FAN1: variants seen among roughly 807,000 people sequenced by gnomAD.
FAN1 encodes the protein fanconi-associated nuclease 1.
In FAN1, 91 loss-of-function variants were observed where a neutral mutation model predicts 104.9. The observed-to-expected ratio is 0.87, with a 90% CI of 0.73 to 1.03. FAN1 has a LOEUF of 1.03. Among genes scored for constraint, FAN1 ranks in the 50% least tolerant of loss-of-function variants. The pLI, the probability that FAN1 is intolerant of heterozygous loss-of-function variation, is 0.00. For missense variants in FAN1, 1,263 were observed against 1,239.9 expected (o/e 1.02, Z -0.28); for synonymous variants, 478 against 457.6 (o/e 1.04, Z -0.57).
rs774296372 is a variant in FAN1 at position 30,905,315 on chromosome 15, T to C, written c.652T>C (p.Cys218Arg). ...NSSQKENVFK[C>R]DSLKEECIPE... Reference sequence around the variant, plus strand: ...TTCTCAAAAAGAAAACGTGTTTAAATGTGATTCTCTAAAGGAAGAGTGCAT... The same window carrying C: ...TTCTCAAAAAGAAAACGTGTTTAAACGTGATTCTCTAAAGGAAGAGTGCAT... The change falls in exon 2 of 15, where the codon TGT becomes CGT. Residue 218 changes from cysteine to arginine, a missense_variant. Around this residue, in one of 2 missense-constraint regions of FAN1, gnomAD observed 682 missense variants for 571.1 expected, o/e 1.19. Transcript: ENST00000362065. 1.2e-5 allele frequency: 20 copies of C among 1,613,942 alleles called. No homozygotes were observed. Among genetic ancestry groups the C allele is most frequent in the Non-Finnish European group, 1.7e-5 (20 of 1,179,972 alleles).
intron 3 of FAN1, among the ~76,000 whole-genome samples, chr15:30,909,965 G>A (rs188688470): frequency 4.6e-5 from 7 of 152,314 alleles, no homozygotes; most frequent in South Asian, 4.1e-4. Flanking sequence ...TAATTGTTAC[G>A]CTGGGAGGCT....
chr15:30,929,871 A>G (rs1431981651), intron 12 of FAN1, among the ~76,000 whole-genome samples: 2 of 94,888 alleles, frequency 2.1e-5, no homozygotes, highest in African/African-American at 9.1e-5. Flanking sequence ...TAATATATAT[A>G]AAATATATAA....
rs1003948102 is a variant in FAN1, at chr15:30,942,477, C to CA, written c.*923dup. ...TTTCAGTAGTCTGCAAATTTTCTAC[C>CA]AAAAAAAATCCCAAGAATTTATTTG... is the stretch of plus-strand genomic sequence containing the variant. On this transcript the variant is annotated 3_prime_UTR_variant, in exon 15 of 15. Coordinates refer to ENST00000362065, the MANE Select transcript of FAN1 (RefSeq NM_014967.5). 23 of 257,290 alleles carry CA rather than the reference C, an allele frequency of 8.9e-5. No individual in the cohort carries two copies. The highest frequency in any genetic ancestry group is 2.5e-3 in the Middle Eastern group (2 of 792). 15.9% of individuals were successfully genotyped at this position (257,290 alleles called of 1,614,324 possible).
chr15:30,934,803 A>G (rs1315525388), intron 13 of FAN1, among the ~76,000 whole-genome samples: 1 of 152,228 alleles, frequency 6.6e-6, no homozygotes, highest in Non-Finnish European at 1.5e-5. Context: ...CAGGTGATAC[A>G]CACTTTAGAG....
At chr15:30,928,853 C>CT (rs1429528591) in intron 11 of FAN1, 197 bp downstream of exon 11, 3 of 917,608 alleles carry the variant, frequency 3.3e-6, no homozygotes, top group Non-Finnish European at 3.9e-6. Context: ...AAGTTTTAAA[C>CT]TTTAATTTAG....
Position 30,929,958 on chromosome 15 carries a change from CAT to C in FAN1, c.2787+565_2787+566del, listed in dbSNP as rs1461995325. Among the ~76,000 whole-genome samples the C allele has an allele frequency of 2.8e-4, 28 of 100,740 alleles. 2 individuals carry two copies. Among genetic ancestry groups the C allele is most frequent in the African/African-American group, 1.0e-3 (23 of 22,960 alleles). The allele number at this position is 100,740 out of a possible 152,430, so 66.1% of individuals were successfully genotyped here. A position where few individuals can be genotyped will look rare whatever the true frequency, so the allele number is the denominator to read the frequency against. On this transcript the variant is annotated intron_variant, in intron 12 of 14. Transcript: ENST00000362065. ...ATAAAATATATAATATAATATATATCATATAATATATAAAATATATAATATAT... is the reference window on the plus strand; with the variant it reads ...ATAAAATATATAATATAATATATATCATAATATATAAAATATATAATATAT...
intron 14 of FAN1, 68 bp from the exon 15 acceptor site, chr15:30,941,498 G>A: frequency 6.2e-7 from 1 of 1,611,336 alleles, no homozygotes; most frequent in Non-Finnish European, 8.5e-7. Flanking sequence ...TGTCTCAGTA[G>A]ACAACCATAT....
rs749887091 is a variant in FAN1 at position 30,942,040 on chromosome 15, C to T, written c.*478C>T. On this transcript the variant is annotated 3_prime_UTR_variant, in exon 15 of 15. Transcript: ENST00000362065. ...TGATGATTCCATTCTTTAAGGCAGA[C>T]GGCATTCCTCTTAGTGTGGAGCTGT... The T allele has an allele frequency of 3.0e-5, 48 of 1,613,764 alleles. No homozygotes were observed. Among genetic ancestry groups the T allele is most frequent in the African/African-American group, 2.3e-4 (17 of 74,886 alleles).
intron 11 of FAN1, 30 bp from the exon 12 acceptor site, chr15:30,929,173 G>T (rs1424044689): frequency 6.2e-7 from 1 of 1,605,086 alleles, no homozygotes; most frequent in Admixed American, 1.7e-5. Context: ...TGCAGGCACA[G>T]TATGACAGCT....
In FAN1 at chr15:30,942,682, ACT is replaced by A. The variant is rs1403346547; in HGVS notation, c.*1124_*1125del. ...GCAGGCTCAAAGCTGCAATCTGCCC[ACT>A]CTCAGGTACTGAGACTTTGTGGGCC... On this transcript the variant is annotated 3_prime_UTR_variant, in exon 15 of 15. Coordinates refer to ENST00000362065, the MANE Select transcript of FAN1 (RefSeq NM_014967.5). The A allele has an allele frequency of 3.9e-6, 2 of 514,490 alleles. No individual in the cohort carries two copies. Among genetic ancestry groups the A allele is most frequent in the East Asian group, 6.3e-5 (2 of 31,826 alleles). 31.9% of individuals were successfully genotyped at this position (514,490 alleles called of 1,614,324 possible). A position where few individuals can be genotyped will look rare whatever the true frequency, so the allele number is the denominator to read the frequency against.
At chr15:30,911,163 T>A (rs2062093078) in intron 4 of FAN1, 2 of 1,033,258 alleles carry the variant, frequency 1.9e-6, no homozygotes, top group Non-Finnish European at 2.3e-6. Flanking sequence ...TTTTGTTTAC[T>A]AAACAAAGTA....
chr15:30,931,897 T>C (rs2062719545), intron 13 of FAN1, among the ~76,000 whole-genome samples: 1 of 150,572 alleles, frequency 6.6e-6, no homozygotes, highest in Non-Finnish European at 1.5e-5. Flanking sequence ...ATTTGAATTA[T>C]AACATCAAAT....
chr15:30,925,649 G>T (rs1281479533), intron 9 of FAN1, 140 bp from the exon 10 acceptor site: 1 of 968,152 alleles, frequency 1.0e-6, no homozygotes, highest in Non-Finnish European at 1.6e-6. Flanking sequence ...GCAGTTCTGC[G>T]TGTGTGAGCC....
chr15:30,940,040 C>T (rs2062985850), intron 14 of FAN1: 1 of 978,032 alleles, frequency 1.0e-6, no homozygotes, highest in Admixed American at 6.2e-5. Flanking sequence ...AGGTAAAATA[C>T]AGTTATCTTG....
At chr15:30,909,815 G>A (rs554986625) in intron 3 of FAN1, among the ~76,000 whole-genome samples, 2 of 152,156 alleles carry the variant, frequency 1.3e-5, no homozygotes, top group South Asian at 2.1e-4. Context: ...TTCCTTCCCC[G>A]CTGCGTGGTG....
chr15:30,936,047 C>G (rs2062843504), intron 13 of FAN1, among the ~76,000 whole-genome samples: 1 of 151,770 alleles, frequency 6.6e-6, no homozygotes, highest in Non-Finnish European at 1.5e-5. Flanking sequence ...TTTGGGGACT[C>G]TAATTAAATG....
chr15:30,909,365 C>T (rs16956366), intron 3 of FAN1, among the ~76,000 whole-genome samples: 5,197 of 152,172 alleles, frequency 0.034, 161 homozygotes, highest in East Asian at 0.11. Flanking sequence ...TCAGTGAAGG[C>T]GCTTGGTTGT....
intron 13 of FAN1, among the ~76,000 whole-genome samples, chr15:30,936,903 T>C (rs1480987973): frequency 6.6e-6 from 1 of 152,206 alleles, no homozygotes; most frequent in Non-Finnish European, 1.5e-5. Flanking sequence ...ATGGTTTCTG[T>C]TGAATGTATA....
rs138189480 is a variant in FAN1 at position 30,931,481 on chromosome 15, A to G, written c.2916+810A>G. Among the ~76,000 whole-genome samples, 80 of 152,308 alleles carry G rather than the reference A, an allele frequency of 5.3e-4. 1 individual carries two copies. Among genetic ancestry groups the G allele is most frequent in the African/African-American group, 1.8e-3 (74 of 41,554 alleles). On this transcript the variant is annotated intron_variant, in intron 13 of 14. Transcript: ENST00000362065. Reference sequence around the variant, plus strand: ...TAGTGGATCATGCTTTTGGTGTCACATGTCAGAAATACTTGCCTAATCCAA... The same window carrying G: ...TAGTGGATCATGCTTTTGGTGTCACGTGTCAGAAATACTTGCCTAATCCAA...
Sources: allele counts gnomAD v4.1 joint callset (sites outside exome capture counted in the v4.1 genomes callset), GRCh38; gene constraint gnomAD v4.1.1; regional missense constraint gnomAD v4.1.1; transcripts MANE v1.5; gene names NCBI Gene and HGNC (gene_info 2026-07-23, HGNC 2026-07-21).